IL4R: variants seen among roughly 807,000 people sequenced by gnomAD.
IL4R encodes interleukin-4 receptor subunit alpha.
A neutral mutation model predicts 41.5 loss-of-function variants in IL4R; 17 were observed. The observed-to-expected ratio is 0.41, with a 90% CI of 0.28 to 0.61. IL4R has a LOEUF of 0.61. Among genes scored for constraint, IL4R ranks in the 20% least tolerant of loss-of-function variants. IL4R has a pLI of 0.31. For synonymous variants in IL4R, 402 were observed against 422.9 expected, an observed-to-expected ratio of 0.95 and a Z score of 0.61; for missense variants, 974 against 1,043.1, an observed-to-expected ratio of 0.93 and a Z score of 0.91.
At chr16:27,321,981 T>C (rs1004321365) in intron 1 of IL4R, among the ~76,000 whole-genome samples, 1 of 152,292 alleles carries the variant, frequency 6.6e-6, no homozygotes, top group Middle Eastern at 3.4e-3. Flanking sequence ...GATTTTCTGG[T>C]CATTTTTTTC....
upstream of IL4R, chr16:27,313,906 G>T: frequency 1.0e-6 from 1 of 984,670 alleles, no homozygotes; most frequent in Admixed American, 6.2e-5. Context: ...GCCGGGGCGG[G>T]CTGGGTCTCC....
intron 7 of IL4R, 47 bp from the exon 8 acceptor site, chr16:27,355,761 C>A: frequency 2.2e-6 from 3 of 1,358,936 alleles, no homozygotes; most frequent in Non-Finnish European, 3.1e-6. Flanking sequence ...GGAGCCCAGG[C>A]TGTACCATGG....
chr16:27,324,712 C>T (rs987705448), intron 1 of IL4R, among the ~76,000 whole-genome samples: 1 of 152,252 alleles, frequency 6.6e-6, no homozygotes, highest in African/African-American at 2.4e-5. Flanking sequence ...CTTTGGGCCT[C>T]TGGAATCTTC....
rs753306538 is a variant in IL4R at position 27,340,265 on chromosome 16, C to G, written c.62C>G (p.Ala21Gly). The G allele has an allele frequency of 6.2e-7, 1 of 1,613,590 alleles. No individual in the cohort carries two copies. Among genetic ancestry groups the G allele is most frequent in the Non-Finnish European group, 8.5e-7 (1 of 1,179,598 alleles). The change falls in exon 3 of 11, where the codon GCA becomes GGA. Residue 21 changes from alanine to glycine, a missense_variant. Around this residue, in one of 3 missense-constraint regions of IL4R, gnomAD observed 284 missense variants for 313.4 expected, o/e 0.91. Transcript: ENST00000395762. ...PVSCLVLLQV[A>G]SSGNMKVLQE... Reference sequence around the variant, plus strand: ...AGCTGCCTGGTCCTGCTGCAGGTGGCAAGCTCTGGTAAGTCACCACTTCTC... The same window carrying G: ...AGCTGCCTGGTCCTGCTGCAGGTGGGAAGCTCTGGTAAGTCACCACTTCTC...
intron 1 of IL4R, among the ~76,000 whole-genome samples, 194 bp from the exon 2 acceptor site, chr16:27,329,871 AG>A: frequency 7.3e-6 from 1 of 137,286 alleles, no homozygotes; most frequent in South Asian, 2.3e-4. Context: ...GCATTAGTTG[AG>A]GGGGGTCAGA....
rs1186940758 is a variant in IL4R, at chr16:27,362,331, G to C, written c.979G>C (p.Ala327Pro). Residue 327 changes from alanine (A) to proline (P), a missense_variant, in exon 11 of 11, where the codon GCT becomes CCT. Physicochemically the swap from Ala to Pro is conservative, Grantham distance 27. This residue lies in a region of IL4R where 682 missense variants were observed against 704.3 expected (regional missense o/e 0.97). Transcript: ENST00000395762. ...NMKRDEDPHK[A>P]AKEMPFQGSG... ...GAAAAGGGATGAAGATCCTCACAAG[G>C]CTGCCAAAGAGATGCCTTTCCAGGG... The C allele has an allele frequency of 1.2e-6, 2 of 1,614,182 alleles. No individual in the cohort carries two copies. The highest frequency in any genetic ancestry group is 1.6e-4 in the Middle Eastern group (1 of 6,062).
intron 1 of IL4R, among the ~76,000 whole-genome samples, chr16:27,324,211 T>C (rs1304860248): frequency 6.6e-6 from 1 of 152,218 alleles, no homozygotes; most frequent in Non-Finnish European, 1.5e-5. Flanking sequence ...CAAGAGGCCA[T>C]TGTCCGCTGC....
intron 2 of IL4R, among the ~76,000 whole-genome samples, chr16:27,332,066 C>T (rs945527751): frequency 2.6e-5 from 4 of 152,064 alleles, no homozygotes; most frequent in South Asian, 2.1e-4. Context: ...CAGCCTTAAC[C>T]TCCTGGGCTC....
chr16:27,326,266 GGAAT>G (rs1478110110), intron 1 of IL4R, among the ~76,000 whole-genome samples: 5 of 152,280 alleles, frequency 3.3e-5, no homozygotes, highest in East Asian at 1.9e-4. Context: ...AAAGAAGAAA[GGAAT>G]GAATGAATGA....
Position 27,362,542 on chromosome 16 carries a change from A to T in IL4R, c.1190A>T (p.Glu397Val). Residue 397 changes from glutamate (E) to valine (V), a missense_variant, in exon 11 of 11, where the codon GAG (glutamate) becomes GTG (valine). Physicochemically the swap from Glu to Val is moderately radical, Grantham distance 121 (BLOSUM62 -2). This residue lies in a region of IL4R where 682 missense variants were observed against 704.3 expected (regional missense o/e 0.97). Transcript: ENST00000395762. ...SPESSRDDFQ[E>V]GREGIVARLT... is the part of the protein sequence containing the mutation. ...GAGAGCAGCAGGGATGACTTCCAGG[A>T]GGGAAGGGAGGGCATTGTGGCCCGG... 1 of 1,614,132 alleles carries T rather than the reference A, an allele frequency of 6.2e-7. No homozygotes were observed. Among genetic ancestry groups the T allele is most frequent in the East Asian group, 2.2e-5 (1 of 44,880 alleles).
chr16:27,358,136 C>G (rs2086156044), intron 8 of IL4R, among the ~76,000 whole-genome samples: 1 of 152,208 alleles, frequency 6.6e-6, no homozygotes, highest in South Asian at 2.1e-4. Flanking sequence ...TCAGGTGATA[C>G]ACCTGCCTTG....
intron 2 of IL4R, among the ~76,000 whole-genome samples, chr16:27,331,558 C>T (rs61373663): frequency 0.06 from 9,173 of 152,074 alleles, 725 homozygotes; most frequent in African/African-American, 0.18. Flanking sequence ...CAGAGCTTTC[C>T]AGGTAAAGAC....
chr16:27,352,765 C>A, intron 7 of IL4R, 69 bp downstream of exon 7: 1 of 1,499,592 alleles, frequency 6.7e-7, no homozygotes, highest in Non-Finnish European at 9.2e-7. Flanking sequence ...CAGACACTTC[C>A]CCTGGCTGAG....
intron 2 of IL4R, among the ~76,000 whole-genome samples, chr16:27,338,962 C>T (rs530152908): frequency 6.6e-6 from 1 of 152,236 alleles, no homozygotes; most frequent in East Asian, 1.9e-4. Context: ...TCAAGCGATT[C>T]TCCTGCCTCA....
chr16:27,363,672 A>T lies in IL4R; in HGVS notation c.2320A>T (p.Ser774Cys). ...TCCAGGTGGGGTTCCACTGGAGGCCAGTCTGTGTCCGGCCTCCCTGGCACC... is the reference window on the plus strand; with the variant it reads ...TCCAGGTGGGGTTCCACTGGAGGCCTGTCTGTGTCCGGCCTCCCTGGCACC... ...PSPGGVPLEASLCPASLAPSG... is the reference protein window; with the variant it reads ...PSPGGVPLEACLCPASLAPSG... Residue 774 changes from serine (S) to cysteine (C), a missense_variant, in exon 11 of 11, where the codon AGT becomes TGT. Physicochemically the swap from Ser to Cys is moderately radical, Grantham distance 112 (BLOSUM62 -1). This residue lies in a region of IL4R where 682 missense variants were observed against 704.3 expected (regional missense o/e 0.97). Transcript: ENST00000395762. 6.2e-7 allele frequency: 1 copy of T among 1,613,558 alleles called. No individual in the cohort carries two copies.
At chr16:27,318,821 AT>A (rs1229049881) in intron 1 of IL4R, 1 of 152,182 alleles carries the variant, frequency 6.6e-6, no homozygotes, top group African/African-American at 2.4e-5. Flanking sequence ...GTTTGGTGGA[AT>A]TGAGTTCCTG....
At chr16:27,317,498 A>T (rs1043654388) in intron 1 of IL4R, among the ~76,000 whole-genome samples, 9 of 152,234 alleles carry the variant, frequency 5.9e-5, no homozygotes, top group Non-Finnish European at 1.3e-4. Flanking sequence ...AAGAGAGGCC[A>T]GGAGCTTGTC....
rs542603680 is a variant in IL4R, at chr16:27,329,446, C to T, written c.-151-620C>T. ...AATCCCAGCACTTTGGAGGCCAAGG[C>T]GGGTGGATCACTTGAGGTCAGGAGT... On this transcript the variant is annotated intron_variant, in intron 1 of 10. Coordinates refer to ENST00000395762, the MANE Select transcript of IL4R (RefSeq NM_000418.4). Among the ~76,000 whole-genome samples, 49 of 152,150 alleles carry T rather than the reference C, an allele frequency of 3.2e-4. 1 individual carries two copies. In the South Asian group the frequency reaches 8.3e-3, roughly 26 times the overall value.
rs1332260735 is a variant in IL4R, at chr16:27,346,560, A to G, written c.455A>G (p.Tyr152Cys). The change falls in exon 6 of 11, where the codon TAC (tyrosine) becomes TGC (cysteine). Residue 152 changes from tyrosine (Y) to cysteine (C), a missense_variant. Transcript: ENST00000395762. ...TWSNPYPPDN[Y>C]LYNHLTYAVN... Reference sequence around the variant, plus strand: ...AGCAACCCGTATCCCCCTGACAATTACCTGTATAATCATCTCACCTATGCA... The same window carrying G: ...AGCAACCCGTATCCCCCTGACAATTGCCTGTATAATCATCTCACCTATGCA... 1.2e-6 allele frequency: 2 copies of G among 1,613,858 alleles called. No individual in the cohort carries two copies. The highest frequency in any genetic ancestry group is 1.3e-5 in the African/African-American group (1 of 74,894).
Sources: gnomAD v4.1 joint callset for allele counts (sites outside exome capture counted in the v4.1 genomes callset) on GRCh38, gnomAD v4.1.1 for gene constraint, gnomAD v4.1.1 regional missense constraint, MANE v1.5 for transcripts, NCBI Gene and HGNC (gene_info 2026-07-23, HGNC 2026-07-21) for gene names.